Variants in USH2A observed in about 807,000 individuals in gnomAD.
The protein encoded by USH2A is usherin, also known as Usher syndrome 2A (autosomal recessive, mild).
In USH2A, 443 loss-of-function variants were observed where a neutral mutation model predicts 538.9. The ratio of observed to expected loss-of-function variants is 0.82; its 90% CI spans 0.76 to 0.89. The LOEUF (loss-of-function observed/expected upper bound fraction) is 0.89. USH2A is among the 40% of genes least tolerant of loss of function. USH2A has a pLI of 0.00. For missense variants in USH2A, 6,633 were observed against 6,324.8 expected (o/e 1.05, Z -1.65); for synonymous variants, 2,413 against 2,273.5 (o/e 1.06, Z -1.75).
intron 21 of USH2A, among the ~76,000 whole-genome samples, chr1:216,114,450 C>T (rs1284870902): frequency 6.6e-6 from 1 of 151,896 alleles, no homozygotes; most frequent in Admixed American, 6.6e-5. Flanking sequence ...CATTTTTAAA[C>T]CCTTAAGTAA....
At chr1:215,711,883 G>A (rs1362526258) in intron 61 of USH2A, among the ~76,000 whole-genome samples, 1 of 152,140 alleles carries the variant, frequency 6.6e-6, no homozygotes, top group African/African-American at 2.4e-5. Flanking sequence ...GACTGTCTGT[G>A]GGGCTAATAT....
At chr1:216,050,106 G>A (rs918738733) in intron 30 of USH2A, among the ~76,000 whole-genome samples, 2 of 152,146 alleles carry the variant, frequency 1.3e-5, no homozygotes, top group African/African-American at 4.8e-5. Flanking sequence ...TACGTTCTGA[G>A]TTTACTTTCT....
intron 37 of USH2A, among the ~76,000 whole-genome samples, chr1:215,950,664 T>G (rs1666890399): frequency 6.6e-6 from 1 of 151,768 alleles, no homozygotes; most frequent in Non-Finnish European, 1.5e-5. Context: ...TACCACCATG[T>G]CCGGCTAATA....
At chr1:216,050,934 G>A (rs1037561296) in intron 30 of USH2A, among the ~76,000 whole-genome samples, 3 of 151,920 alleles carry the variant, frequency 2.0e-5, no homozygotes, top group Non-Finnish European at 2.9e-5. Flanking sequence ...TTAAAGATCA[G>A]CAGTGATCCC....
chr1:215,758,627 G>A lies in USH2A; in HGVS notation c.11357C>T (p.Pro3786Leu). ...TATCCAAGCTACAAATATAGAATAA[G>A]GCCCAATTACTGTGATATTATATGG... Reference protein sequence around the residue: ...YPPYNITVIGPYSIFVAWIPP... With the variant: ...YPPYNITVIGLYSIFVAWIPP... Residue 3786 changes from proline (P) to leucine (L), a missense_variant, in exon 58 of 72, where the codon CCT (proline) becomes CTT (leucine). Transcript: ENST00000307340. 2 of 1,613,056 alleles carry A rather than the reference G, an allele frequency of 1.2e-6. No individual in the cohort carries two copies. The highest frequency in any genetic ancestry group is 1.7e-5 in the Admixed American group (1 of 59,930).
At chr1:215,932,078 C>T (rs1268549882) in intron 38 of USH2A, among the ~76,000 whole-genome samples, 2 of 151,812 alleles carry the variant, frequency 1.3e-5, no homozygotes, top group South Asian at 4.1e-4. Flanking sequence ...TAAAAGTATG[C>T]AAAAGAAGCA....
Position 215,674,347 on chromosome 1 carries a change from G to A in USH2A, c.13564C>T (p.Leu4522Phe), listed in dbSNP as rs1657923690. 2 of 1,613,902 alleles carry A rather than the reference G, an allele frequency of 1.2e-6. No individual in the cohort carries two copies. The highest frequency in any genetic ancestry group is 2.2e-5 in the East Asian group (1 of 44,854). The stretch of plus-strand genomic sequence containing the variant: ...GAGGGGCTGGTTCGATCTTTGACAA[G>A]AGGACTCAAAATACCCCCTTGGCTG... Reference protein sequence around the residue: ...SNSQGGILSPLVKDRTSPSAP... With the variant: ...SNSQGGILSPFVKDRTSPSAP... Residue 4522 changes from leucine (L) to phenylalanine (F), a missense_variant, in exon 63 of 72, where the codon CTT becomes TTT. Transcript: ENST00000307340.
intron 64 of USH2A, among the ~76,000 whole-genome samples, chr1:215,653,249 A>C (rs1395022026): frequency 6.6e-6 from 1 of 152,136 alleles, no homozygotes; most frequent in Non-Finnish European, 1.5e-5. Flanking sequence ...GATTTTAAAA[A>C]CACTTGGGCC....
intron 60 of USH2A, among the ~76,000 whole-genome samples, chr1:215,732,544 C>CTTTTTTTTTTTTTTTTTTTTTTTTT (rs141549439): frequency 8.2e-5 from 6 of 73,558 alleles, no homozygotes; most frequent in African/African-American, 3.7e-4. Context: ...TTTTTTCTTT[C>CTTTTTTTTTTTTTTTTTTTTTTTTT]TTTTTTTTTT....
chr1:215,772,098 T>C (rs1250659415), intron 55 of USH2A, among the ~76,000 whole-genome samples: 1 of 152,210 alleles, frequency 6.6e-6, no homozygotes, highest in Non-Finnish European at 1.5e-5. Flanking sequence ...ACATTTCAAC[T>C]GGAATTTGCT....
chr1:216,338,847 T>A lies in USH2A; in HGVS notation c.785-11193A>T, dbSNP rs772365586. Among the ~76,000 whole-genome samples the A allele has an allele frequency of 2.0e-5, 3 of 151,650 alleles. 1 individual carries two copies. The highest frequency in any genetic ancestry group is 4.1e-4 in the South Asian group (2 of 4,832). On this transcript the variant is annotated intron_variant, in intron 4 of 71. Coordinates refer to ENST00000307340, the MANE Select transcript of USH2A (RefSeq NM_206933.4). ...AAAATAAGGGAGTATTTTATACTCA[T>A]GATTTTGGCAAAAATGTTGGAAAAC...
In USH2A at chr1:216,323,476, C is replaced by T. The variant is rs775514529; in HGVS notation, c.1548G>A (p.Gly516=). 2 of 1,613,192 alleles carry T rather than the reference C, an allele frequency of 1.2e-6. No homozygotes were observed. The highest frequency in any genetic ancestry group is 2.2e-5 in the East Asian group (1 of 44,778). Residue 516 remains glycine (G), a splice_region_variant and synonymous_variant, in exon 8 of 72, where the codon GGG becomes GGA. Coordinates refer to ENST00000307340, the MANE Select transcript of USH2A (RefSeq NM_206933.4). ...YYAVDEITIS[G]RCQCHGHADN... Reference sequence around the variant, plus strand: ...GAAAACAAAATTCATAATAATACCTCCCACTAATGGTGATTTCGTCCACTG... The same window carrying T: ...GAAAACAAAATTCATAATAATACCTTCCACTAATGGTGATTTCGTCCACTG...
chr1:215,718,883 G>A (rs1267982499), intron 61 of USH2A, among the ~76,000 whole-genome samples: 1 of 152,148 alleles, frequency 6.6e-6, no homozygotes, highest in Non-Finnish European at 1.5e-5. Context: ...TTATGGCCTG[G>A]GCCTGTTAGT....
chr1:216,403,356 A>C (rs4575147), intron 3 of USH2A, among the ~76,000 whole-genome samples: 90,073 of 151,886 alleles, frequency 0.59, 27,741 homozygotes, highest in East Asian at 0.8. Context: ...TTTTCTTCCT[A>C]AGATTAGGAA....
rs61088146 is a variant in USH2A at position 216,245,517 on chromosome 1, GAC to G, written c.2809+1066_2809+1067del. Among the ~76,000 whole-genome samples, 364 of 138,012 alleles carry G rather than the reference GAC, an allele frequency of 2.6e-3. 9 individuals are homozygous for G. In the East Asian group the frequency reaches 0.03, roughly 11 times the overall value. The allele number at this position is 138,012 out of a possible 152,430, so 90.5% of individuals were successfully genotyped here. A position where few individuals can be genotyped will look rare whatever the true frequency, so the allele number is the denominator to read the frequency against. ...AGAGAGAGAGAGAGAGAGAGAGAGA[GAC>G]AAATGAATATGTATCAGTGGAAGCA... On this transcript the variant is annotated intron_variant, in intron 13 of 71. Coordinates refer to ENST00000307340, the MANE Select transcript of USH2A (RefSeq NM_206933.4).
At chr1:216,275,138 C>T (rs2036646864) in intron 11 of USH2A, among the ~76,000 whole-genome samples, 1 of 151,992 alleles carries the variant, frequency 6.6e-6, no homozygotes, top group African/African-American at 2.4e-5. Flanking sequence ...ATTATTCTCT[C>T]TCTCTCTCTC....
intron 58 of USH2A, among the ~76,000 whole-genome samples, chr1:215,749,314 A>T (rs965997219): frequency 1.3e-5 from 2 of 152,242 alleles, no homozygotes; most frequent in Non-Finnish European, 2.9e-5. Context: ...TGTCAAATAT[A>T]AACATAATCT....
At chr1:216,174,871 G>A (rs1022872989) in intron 21 of USH2A, 5 of 1,043,980 alleles carry the variant, frequency 4.8e-6, no homozygotes, top group South Asian at 3.3e-5. Flanking sequence ...TTTCAGTAAC[G>A]GGGTGCATAC....
intron 32 of USH2A, among the ~76,000 whole-genome samples, chr1:216,015,894 G>A (rs903777959): frequency 3.3e-5 from 5 of 152,140 alleles, no homozygotes; most frequent in Admixed American, 1.3e-4. Context: ...ACATGCATAC[G>A]TATGTTTATT....
Sources: gnomAD v4.1 joint callset for allele counts (sites outside exome capture counted in the v4.1 genomes callset) on GRCh38, gnomAD v4.1.1 for gene constraint, MANE v1.5 for transcripts, NCBI Gene and HGNC (gene_info 2026-07-23, HGNC 2026-07-21) for gene names.